PCDHA10: variants seen among roughly 807,000 people sequenced by gnomAD.
The protein encoded by PCDHA10 is protocadherin alpha-10.
A neutral mutation model predicts 61.2 loss-of-function variants in PCDHA10; 45 were observed. That is an observed-to-expected ratio of 0.74 (90% CI 0.58 to 0.94). PCDHA10 has a LOEUF of 0.94. Among genes scored for constraint, PCDHA10 ranks in the 40% least tolerant of loss-of-function variants. The probability of loss-of-function intolerance (pLI) is 0.00; values close to 1 mark genes in which losing one functional copy is unlikely to be tolerated. For missense variants in PCDHA10, 1,278 were observed against 1,236.2 expected (o/e 1.03, Z -0.51); for synonymous variants, 602 against 548.8 (o/e 1.10, Z -1.35).
chr5:140,959,780 A>G (rs2095510657), intron 1 of PCDHA10, among the ~76,000 whole-genome samples: 1 of 152,262 alleles, frequency 6.6e-6, no homozygotes. Flanking sequence ...AACAGTGTAT[A>G]TTAACATGGC....
intron 1 of PCDHA10, chr5:140,863,488 A>C (rs1554158271): frequency 4.4e-6 from 2 of 451,898 alleles, no homozygotes; most frequent in African/African-American, 2.0e-5. Flanking sequence ...CCCAAGGTCA[A>C]CATTACGGCT....
chr5:140,959,795 T>G (rs2095511248), intron 1 of PCDHA10, among the ~76,000 whole-genome samples: 1 of 152,180 alleles, frequency 6.6e-6, no homozygotes, highest in Non-Finnish European at 1.5e-5. Flanking sequence ...CATGGCTAAT[T>G]TAGAGGATTT....
chr5:140,964,689 GAGAGATTA>G (rs781865484), intron 1 of PCDHA10, among the ~76,000 whole-genome samples: 4 of 152,008 alleles, frequency 2.6e-5, no homozygotes, highest in Non-Finnish European at 5.9e-5. Context: ...TTGTGCACTT[GAGAGATTA>G]AGGCCTCCGA....
intron 1 of PCDHA10, chr5:140,869,435 A>G (rs1554163053): frequency 6.2e-7 from 1 of 1,614,208 alleles, no homozygotes; most frequent in Admixed American, 1.7e-5. Context: ...GTGATCGTGG[A>G]CAGGCCGCTG....
chr5:140,991,968 C>A (rs80040458), intron 3 of PCDHA10, among the ~76,000 whole-genome samples: 1,562 of 151,686 alleles, frequency 0.01, 27 homozygotes, highest in African/African-American at 0.036. Context: ...TTTGGTGGGG[C>A]CATTATTCTG....
chr5:140,886,956 A>T (rs1007882657), intron 1 of PCDHA10, among the ~76,000 whole-genome samples: 1 of 152,090 alleles, frequency 6.6e-6, no homozygotes, highest in Non-Finnish European at 1.5e-5. Context: ...TTAGACATTT[A>T]GCAACGAAAT....
At chr5:140,907,873 CACTCA>C (rs2073658134) in intron 1 of PCDHA10, among the ~76,000 whole-genome samples, 1 of 152,226 alleles carries the variant, frequency 6.6e-6, no homozygotes, top group Non-Finnish European at 1.5e-5. Context: ...CGTTGGTGAG[CACTCA>C]CATGGGATAC....
At chr5:140,922,135 C>T (rs550862927) in intron 1 of PCDHA10, among the ~76,000 whole-genome samples, 3 of 152,092 alleles carry the variant, frequency 2.0e-5, no homozygotes, top group African/African-American at 7.2e-5. Context: ...TGTCTCTTAT[C>T]CTCCATGAAA....
intron 1 of PCDHA10, among the ~76,000 whole-genome samples, chr5:140,961,947 G>A (rs1183967245): frequency 6.6e-6 from 1 of 150,956 alleles, no homozygotes; most frequent in Non-Finnish European, 1.5e-5. Flanking sequence ...GCAGTGGCAT[G>A]ATCTCGGCTC....
At chr5:140,882,713 G>T (rs1554175318) in intron 1 of PCDHA10, 6 of 1,614,198 alleles carry the variant, frequency 3.7e-6, no homozygotes, top group African/African-American at 1.3e-5. Context: ...TAGACCTCCG[G>T]AAACTCGATT....
chr5:140,966,589 GGCCAGGA>G (rs1554228448), intron 1 of PCDHA10: 2 of 580,716 alleles, frequency 3.4e-6, no homozygotes, highest in Non-Finnish European at 5.5e-6. Flanking sequence ...AGGACGGTGG[GGCCAGGA>G]GCCCTTGGGA....
At chr5:140,900,373 G>T (rs1225159327) in intron 1 of PCDHA10, among the ~76,000 whole-genome samples, 2 of 152,118 alleles carry the variant, frequency 1.3e-5, no homozygotes, top group Non-Finnish European at 2.9e-5. Flanking sequence ...TGCCTCCTGG[G>T]TTCAAGCGAT....
chr5:140,926,353 C>T (rs1402316154), intron 1 of PCDHA10: 1 of 152,272 alleles, frequency 6.6e-6, no homozygotes, highest in Non-Finnish European at 1.5e-5. Flanking sequence ...ACGCGCGGCT[C>T]CCAAAGGGCG....
At chr5:140,882,566 G>C in intron 1 of PCDHA10, 2 of 1,614,252 alleles carry the variant, frequency 1.2e-6, no homozygotes, top group Non-Finnish European at 8.5e-7. Flanking sequence ...TGGGCGGAGC[G>C]CGGAGTGCAG....
chr5:140,863,274 G>A, intron 1 of PCDHA10: 1 of 1,461,698 alleles, frequency 6.8e-7, no homozygotes. Flanking sequence ...CAGCGCTGGT[G>A]GATGTCAACG....
rs781875497 is a variant in PCDHA10 at position 140,995,949 on chromosome 5, G to A, written c.2536+13386G>A. Among the ~76,000 whole-genome samples, 8 of 152,160 alleles carry A rather than the reference G, an allele frequency of 5.3e-5. No homozygotes were observed. In the East Asian group the frequency reaches 7.7e-4, roughly 15 times the overall value. ...GTAAGTATTAAATGACATAATGCACGCAAAATGCTTAGAACCATGCTTAGT... is the reference window on the plus strand; with the variant it reads ...GTAAGTATTAAATGACATAATGCACACAAAATGCTTAGAACCATGCTTAGT... On this transcript the variant is annotated intron_variant, in intron 3 of 3. Transcript: ENST00000307360.
chr5:140,858,809 A>G (rs2045602165), intron 1 of PCDHA10: 1 of 352,582 alleles, frequency 2.8e-6, no homozygotes, highest in African/African-American at 2.2e-5. Flanking sequence ...CTAAATTTTG[A>G]TTTGATTGTA....
At chr5:140,886,852 G>T (rs1554182787) in intron 1 of PCDHA10, among the ~76,000 whole-genome samples, 1 of 146,470 alleles carries the variant, frequency 6.8e-6, no homozygotes, top group Non-Finnish European at 1.5e-5. Flanking sequence ...AAAAAAGAAA[G>T]GTCTTCCCAA....
In PCDHA10 at chr5:140,856,910, A is replaced by G. The variant is rs782378927; in HGVS notation, c.862A>G (p.Ile288Val). Residue 288 changes from isoleucine (I) to valine (V), a missense_variant, in exon 1 of 4, where the codon ATA becomes GTA. Physicochemically the swap from Ile to Val is conservative, Grantham distance 29. Coordinates refer to ENST00000307360, the MANE Select transcript of PCDHA10 (RefSeq NM_018901.4). ...ATTTAGCTCTTTGGTCCCACCCACG[A>G]TAAGAAGGAAATTTTGGATAAACGA... ...YSFSSLVPPT[I>V]RRKFWINERT... 4.4e-6 allele frequency: 7 copies of G among 1,596,308 alleles called. No individual in the cohort carries two copies. In the South Asian group the frequency reaches 4.4e-5, roughly 10 times the overall value.
Sources: gnomAD v4.1 joint callset for allele counts (sites outside exome capture counted in the v4.1 genomes callset) on GRCh38, gnomAD v4.1.1 for gene constraint, MANE v1.5 for transcripts, NCBI Gene and HGNC (gene_info 2026-07-23, HGNC 2026-07-21) for gene names.